Variants in CSMD1 observed in about 807,000 individuals in gnomAD.
The protein encoded by CSMD1 is CUB and sushi domain-containing protein 1.
A neutral mutation model predicts 417.5 loss-of-function variants in CSMD1; 213 were observed. The ratio of observed to expected loss-of-function variants is 0.51; its 90% CI spans 0.46 to 0.57. The LOEUF is 0.57. Among genes scored for constraint, CSMD1 ranks in the 20% least tolerant of loss-of-function variants. The probability of loss-of-function intolerance (pLI) is 0.00; values close to 1 mark genes in which losing one functional copy is unlikely to be tolerated. For missense variants in CSMD1, 6,923 were observed against 4,529.7 expected, an observed-to-expected ratio of 1.53 and a Z score of -15.17; for synonymous variants, 2,862 against 1,736.8, an observed-to-expected ratio of 1.65 and a Z score of -16.11.
chr8:4,774,940 C>A (rs1796773307), intron 1 of CSMD1, among the ~76,000 whole-genome samples: 1 of 152,176 alleles, frequency 6.6e-6, no homozygotes, highest in East Asian at 1.9e-4. Flanking sequence ...TCTGTACAGC[C>A]TGCAAAACCT....
At chr8:3,273,469 C>T (rs1384658380) in intron 26 of CSMD1, among the ~76,000 whole-genome samples, 2 of 143,558 alleles carry the variant, frequency 1.4e-5, no homozygotes, top group African/African-American at 5.1e-5. Context: ...GGAGGATTCC[C>T]TCTTTTTCTA....
chr8:4,094,928 G>A (rs758002386), intron 3 of CSMD1, among the ~76,000 whole-genome samples: 9 of 152,196 alleles, frequency 5.9e-5, no homozygotes, highest in Non-Finnish European at 8.8e-5. Context: ...GGAAGTCATT[G>A]AAGGTTTTGA....
chr8:3,486,905 T>A (rs1479611839), intron 11 of CSMD1, among the ~76,000 whole-genome samples: 2 of 152,192 alleles, frequency 1.3e-5, no homozygotes, highest in Non-Finnish European at 2.9e-5. Flanking sequence ...TCCAGAGAGA[T>A]CTGGCAATGT....
chr8:4,071,846 C>T (rs1414511591), intron 3 of CSMD1, among the ~76,000 whole-genome samples: 1 of 152,030 alleles, frequency 6.6e-6, no homozygotes, highest in Non-Finnish European at 1.5e-5. Context: ...GTGTGCACAT[C>T]CACTCTCATG....
intron 5 of CSMD1, among the ~76,000 whole-genome samples, chr8:3,995,017 C>G (rs1026742695): frequency 2.4e-4 from 37 of 152,270 alleles, no homozygotes; most frequent in African/African-American, 8.4e-4. Flanking sequence ...GCAGCACCCA[C>G]AATGCTCCCC....
At chr8:4,934,938 CTATT>C (rs1208265778) in intron 1 of CSMD1, among the ~76,000 whole-genome samples, 2 of 152,178 alleles carry the variant, frequency 1.3e-5, no homozygotes, top group Non-Finnish European at 2.9e-5. Context: ...CATCAATCAT[CTATT>C]TAAATCCATC....
At chr8:3,928,736 T>C (rs961595627) in intron 5 of CSMD1, among the ~76,000 whole-genome samples, 5 of 150,304 alleles carry the variant, frequency 3.3e-5, no homozygotes, top group African/African-American at 7.4e-5. Flanking sequence ...GTGAATACTT[T>C]TGAACCCATT....
At chr8:4,402,821 CTTTTTT>C (rs1396591610) in intron 3 of CSMD1, among the ~76,000 whole-genome samples, 3 of 66,382 alleles carry the variant, frequency 4.5e-5, no homozygotes, top group Middle Eastern at 0.015. Flanking sequence ...TTTTTTTTTT[CTTTTTT>C]TTTTTTTTTT....
intron 10 of CSMD1, among the ~76,000 whole-genome samples, chr8:3,524,558 C>T (rs538228961): frequency 6.6e-6 from 1 of 151,594 alleles, no homozygotes; most frequent in South Asian, 2.1e-4. Flanking sequence ...CATGCACACA[C>T]ACATGCATAC....
At chr8:3,927,706 T>G (rs978906289) in intron 5 of CSMD1, among the ~76,000 whole-genome samples, 3 of 152,138 alleles carry the variant, frequency 2.0e-5, no homozygotes, top group African/African-American at 4.8e-5. Context: ...AATTAATATT[T>G]TCTTTACCTT....
intron 1 of CSMD1, among the ~76,000 whole-genome samples, chr8:4,880,239 A>G (rs1223511119): frequency 1.3e-5 from 2 of 152,198 alleles, no homozygotes; most frequent in East Asian, 1.9e-4. Context: ...ATACGCATTC[A>G]GTGACCTGTT....
At chr8:2,979,059 T>C (rs1281410207) in intron 54 of CSMD1, among the ~76,000 whole-genome samples, 2 of 152,214 alleles carry the variant, frequency 1.3e-5, no homozygotes, top group African/African-American at 4.8e-5. Context: ...TAATGTTTAT[T>C]CAACGTAAAT....
In CSMD1 at chr8:3,334,394, G is replaced by T. The variant is rs925916728; in HGVS notation, c.3631+8900C>A. ...TGCTTAGTGCTTCTGTATCGGTCCTGAGAGTGTATTCCTGTCCAAAGCCAC... is the reference window on the plus strand; with the variant it reads ...TGCTTAGTGCTTCTGTATCGGTCCTTAGAGTGTATTCCTGTCCAAAGCCAC... On this transcript the variant is annotated intron_variant, in intron 23 of 69. Transcript: ENST00000635120. Among the ~76,000 whole-genome samples, 5 of 152,140 alleles carry T rather than the reference G, an allele frequency of 3.3e-5. No individual in the cohort carries two copies. The East Asian group carries it at 9.7e-4, about 29-fold the overall frequency.
At chr8:3,477,613 T>C (rs1032413596) in intron 11 of CSMD1, among the ~76,000 whole-genome samples, 1 of 152,184 alleles carries the variant, frequency 6.6e-6, no homozygotes, top group Admixed American at 6.5e-5. Context: ...TGTTGATAAA[T>C]ATCTCTGGTA....
At chr8:4,191,908 A>G (rs1041744381) in intron 3 of CSMD1, among the ~76,000 whole-genome samples, 1 of 152,208 alleles carries the variant, frequency 6.6e-6, no homozygotes, top group Non-Finnish European at 1.5e-5. Flanking sequence ...TGAGGAAAGA[A>G]AGTGAGCATT....
intron 5 of CSMD1, among the ~76,000 whole-genome samples, chr8:3,927,237 T>G (rs1809800148): frequency 6.6e-6 from 1 of 152,010 alleles, no homozygotes; most frequent in Non-Finnish European, 1.5e-5. Context: ...CTTTATATTA[T>G]TCCAACAATT....
chr8:4,833,649 A>C (rs1242761839), intron 1 of CSMD1, among the ~76,000 whole-genome samples: 1 of 152,210 alleles, frequency 6.6e-6, no homozygotes. Flanking sequence ...AACAGAGTAG[A>C]CAACACTACG....
At chr8:4,221,540 G>A (rs578026026) in intron 3 of CSMD1, among the ~76,000 whole-genome samples, 166 of 152,282 alleles carry the variant, frequency 1.1e-3, no homozygotes, top group Non-Finnish European at 2.0e-3. Flanking sequence ...ATCCCAGGAA[G>A]GCTCAAGAGC....
chr8:4,606,808 T>C (rs753213673), intron 2 of CSMD1, among the ~76,000 whole-genome samples: 4 of 152,182 alleles, frequency 2.6e-5, no homozygotes, highest in African/African-American at 7.2e-5. Flanking sequence ...TCTCCCCAAA[T>C]AGAAAACTAA....
Sources: allele counts gnomAD v4.1 joint callset (sites outside exome capture counted in the v4.1 genomes callset), GRCh38; gene constraint gnomAD v4.1.1; transcripts MANE v1.5; gene names NCBI Gene and HGNC (gene_info 2026-07-23, HGNC 2026-07-21).